Variants in PRIMA1 observed in about 807,000 individuals in gnomAD.
PRIMA1 encodes proline rich membrane anchor 1, also known as proline-rich membrane anchor 1.
PRIMA1 carries 7 observed loss-of-function variants against 17.5 expected under a neutral mutation model. The ratio of observed to expected loss-of-function variants is 0.40; its 90% CI spans 0.23 to 0.75. The LOEUF is 0.75. Among genes scored for constraint, PRIMA1 ranks in the 30% least tolerant of loss-of-function variants. The pLI is 0.37. For synonymous variants in PRIMA1, 97 were observed against 77.9 expected (o/e 1.25, Z -1.29); for missense variants, 200 against 201.8 (o/e 0.99, Z 0.05).
At chr14:93,751,325 G>T (rs755183339) in intron 3 of PRIMA1, among the ~76,000 whole-genome samples, 5 of 152,206 alleles carry the variant, frequency 3.3e-5, no homozygotes, top group African/African-American at 4.8e-5. Context: ...GGCTGAAATT[G>T]CCTTTGCAGG....
At chr14:93,780,814 G>T (rs1885355809) in intron 2 of PRIMA1, among the ~76,000 whole-genome samples, 1 of 152,206 alleles carries the variant, frequency 6.6e-6, no homozygotes, top group Non-Finnish European at 1.5e-5. Flanking sequence ...TTTCATGCCT[G>T]TCCCGGGGAA....
intron 3 of PRIMA1, among the ~76,000 whole-genome samples, chr14:93,769,937 A>G (rs1167985032): frequency 6.6e-6 from 1 of 152,134 alleles, no homozygotes; most frequent in Admixed American, 6.5e-5. Context: ...TCATCATCCC[A>G]TTCATGAGAT....
At chr14:93,788,503 C>T (rs1885597353), upstream of PRIMA1, 1 of 152,300 alleles carries the variant, frequency 6.6e-6, no homozygotes, top group Non-Finnish European at 1.5e-5. Flanking sequence ...GCCGGACAGC[C>T]CCCATTTAAA....
chr14:93,739,250 C>T (rs1161882675), intron 3 of PRIMA1, among the ~76,000 whole-genome samples: 1 of 152,086 alleles, frequency 6.6e-6, no homozygotes, highest in East Asian at 1.9e-4. Context: ...CGGGGTTTCT[C>T]CATGTTGGTC....
Position 93,757,199 on chromosome 14 carries a change from A to AAAGGAAGGAAGGAAGG in PRIMA1, c.230-19845_230-19830dup, listed in dbSNP as rs113474280. ...GAAATTGTGAGACGTGGGTTTAAAA[A>AAAGGAAGGAAGGAAGG]AAGGAAGGAAGGAAGGAAGGAAGGA... On this transcript the variant is annotated intron_variant, in intron 3 of 4. Transcript: ENST00000393140. Among the ~76,000 whole-genome samples, 12 of 151,100 alleles carry AAAGGAAGGAAGGAAGG rather than the reference A, an allele frequency of 7.9e-5. No individual in the cohort carries two copies. The East Asian group carries it at 1.6e-3, about 20-fold the overall frequency.
At chr14:93,763,786 G>A (rs368029111) in intron 3 of PRIMA1, among the ~76,000 whole-genome samples, 6 of 151,914 alleles carry the variant, frequency 3.9e-5, no homozygotes, top group Non-Finnish European at 5.9e-5. Context: ...AGTCCCCACC[G>A]TCTCTTCTCC....
rs1395802298 is a variant in PRIMA1 at position 93,726,862 on chromosome 14, TACACATATGTGCACATGCATGCACAC to T, written c.360-5342_360-5317del. Among the ~76,000 whole-genome samples the T allele has an allele frequency of 6.6e-6, 1 of 152,056 alleles. No individual in the cohort carries two copies. Among genetic ancestry groups the T allele is most frequent in the African/African-American group, 2.4e-5 (1 of 41,388 alleles). ...ATGTCCCTACACACATATGCACACA[TACACATATGTGCACATGCATGCACAC>T]ATACATATGAATACACATATGCATA... On this transcript the variant is annotated intron_variant, in intron 4 of 4. Coordinates refer to ENST00000393140, the MANE Select transcript of PRIMA1 (RefSeq NM_178013.4). This position sits in a 1 kb window ranked among gnomAD's most constrained non-coding sequence, Gnocchi z 4.2.
intron 3 of PRIMA1, among the ~76,000 whole-genome samples, chr14:93,771,235 G>C (rs1462375742): frequency 6.6e-6 from 1 of 152,132 alleles, no homozygotes; most frequent in Non-Finnish European, 1.5e-5. Flanking sequence ...CTCCATCAGG[G>C]GTGGTGTCTA....
intron 3 of PRIMA1, among the ~76,000 whole-genome samples, chr14:93,775,227 C>G (rs1885178717): frequency 6.6e-6 from 1 of 152,192 alleles, no homozygotes; most frequent in South Asian, 2.1e-4. Context: ...GCCAGTGAAT[C>G]CAGAGAGATG....
chr14:93,767,761 C>G (rs183741908), intron 3 of PRIMA1, among the ~76,000 whole-genome samples: 19 of 152,190 alleles, frequency 1.2e-4, no homozygotes, highest in African/African-American at 3.4e-4. Flanking sequence ...ACACACCCCC[C>G]CTCTCCATTC....
intron 3 of PRIMA1, among the ~76,000 whole-genome samples, chr14:93,763,257 C>T (rs542766005): frequency 4.5e-4 from 69 of 152,312 alleles, no homozygotes; most frequent in African/African-American, 1.6e-3. Flanking sequence ...CCTCAGCTTC[C>T]GGCATCCCGG....
chr14:93,733,919 C>A (rs1225982992), intron 4 of PRIMA1, among the ~76,000 whole-genome samples: 1 of 152,184 alleles, frequency 6.6e-6, no homozygotes, highest in Non-Finnish European at 1.5e-5. Flanking sequence ...GGGGAGCACT[C>A]TGCTCTGTAG....
chr14:93,766,394 G>A (rs1168953424), intron 3 of PRIMA1, among the ~76,000 whole-genome samples: 1 of 152,194 alleles, frequency 6.6e-6, no homozygotes, highest in African/African-American at 2.4e-5. Flanking sequence ...AGGGTCAGGT[G>A]TGCTGGGAGA....
rs1885130440 is a variant in PRIMA1, at chr14:93,773,682, C to T, written c.229+5494G>A. On this transcript the variant is annotated intron_variant, in intron 3 of 4. Transcript: ENST00000393140. ...TTCCTGCTCTTTCTCCAGTGGCAGG[C>T]AGGGCGCAGGGTAGGGCTGCTGGGA... Among the ~76,000 whole-genome samples the T allele has an allele frequency of 3.9e-5, 6 of 152,324 alleles. No homozygotes were observed. The South Asian group carries it at 1.2e-3, about 32-fold the overall frequency.
Position 93,785,835 on chromosome 14 carries a change from T to C in PRIMA1, c.93+1791A>G, listed in dbSNP as rs78703262. ...TGATTTTTATGAAAATTGATTTGTATTGAGTGAGAGCATCTGAAATACACC... is the reference window on the plus strand; with the variant it reads ...TGATTTTTATGAAAATTGATTTGTACTGAGTGAGAGCATCTGAAATACACC... On this transcript the variant is annotated intron_variant, in intron 2 of 4. Coordinates refer to ENST00000393140, the MANE Select transcript of PRIMA1 (RefSeq NM_178013.4). Among the ~76,000 whole-genome samples, 361 of 152,236 alleles carry C rather than the reference T, an allele frequency of 2.4e-3. 5 individuals are homozygous for C. In the East Asian group the frequency reaches 0.047, roughly 20 times the overall value.
At chr14:93,782,275 A>ATAC (rs1555418913) in intron 2 of PRIMA1, among the ~76,000 whole-genome samples, 1 of 144,434 alleles carries the variant, frequency 6.9e-6, no homozygotes, top group African/African-American at 2.7e-5. Flanking sequence ...CTCAAAAATA[A>ATAC]ATAAATAAAT....
chr14:93,744,146 G>C (rs562527384), intron 3 of PRIMA1, among the ~76,000 whole-genome samples: 26 of 152,350 alleles, frequency 1.7e-4, no homozygotes, highest in Non-Finnish European at 3.5e-4. Flanking sequence ...CAGGTCCTCT[G>C]GTCTCTCAGC....
intron 3 of PRIMA1, among the ~76,000 whole-genome samples, chr14:93,773,848 C>T: frequency 6.6e-6 from 1 of 152,174 alleles, no homozygotes; most frequent in East Asian, 1.9e-4. Context: ...AATCCCAGCA[C>T]TTTGGGAGGC....
chr14:93,734,217 C>A (rs779395426), intron 4 of PRIMA1, among the ~76,000 whole-genome samples: 3 of 152,244 alleles, frequency 2.0e-5, no homozygotes, highest in Non-Finnish European at 4.4e-5. Flanking sequence ...AGGGGCTGCG[C>A]AGCATAGCGT....
Sources: gnomAD v4.1 joint callset for allele counts (sites outside exome capture counted in the v4.1 genomes callset) on GRCh38, gnomAD v4.1.1 for gene constraint, Gnocchi (gnomAD v3.1) non-coding constraint, MANE v1.5 for transcripts, NCBI Gene and HGNC (gene_info 2026-07-23, HGNC 2026-07-21) for gene names.